ZNF250: variants seen among roughly 807,000 people sequenced by gnomAD.
The protein encoded by ZNF250 is zinc finger protein (clone 647).
ZNF250 carries 13 observed loss-of-function variants against 37.1 expected under a neutral mutation model. That is an observed-to-expected ratio of 0.35 (90% CI 0.23 to 0.56). The LOEUF is 0.56. Among genes scored for constraint, ZNF250 ranks in the 20% least tolerant of loss-of-function variants. The pLI is 0.87. For synonymous variants in ZNF250, 251 were observed against 265.6 expected (o/e 0.94, Z 0.54); for missense variants, 474 against 697.9 (o/e 0.68, Z 3.61).
rs1380356245 is a variant in ZNF250, at chr8:144,897,181, G to A, written c.-55+4218C>T. Among the ~76,000 whole-genome samples, 1 of 152,138 alleles carries A rather than the reference G, an allele frequency of 6.6e-6. No homozygotes were observed. Among genetic ancestry groups the A allele is most frequent in the Non-Finnish European group, 1.5e-5 (1 of 68,028 alleles). Reference sequence around the variant, plus strand: ...ACACACTGGGACAGGCACATTTGGAGTCTCCTGATCTGGGATGAGCTTCCA... The same window carrying A: ...ACACACTGGGACAGGCACATTTGGAATCTCCTGATCTGGGATGAGCTTCCA... On this transcript the variant is annotated intron_variant, in intron 1 of 5. Transcript: ENST00000417550. The surrounding 1 kb of genome is among the most constrained non-coding windows in gnomAD (Gnocchi z 5.2).
rs773571899 is a variant in ZNF250, at chr8:144,881,657, T to C, written c.1526A>G (p.Lys509Arg). 7.4e-6 allele frequency: 12 copies of C among 1,613,866 alleles called. No homozygotes were observed. Among genetic ancestry groups the C allele is most frequent in the Non-Finnish European group, 3.4e-6 (4 of 1,179,978 alleles). The change falls in exon 6 of 6, where the codon AAG (lysine) becomes AGG (arginine). Residue 509 changes from lysine (K) to arginine (R), a missense_variant. By Grantham distance (26) the Lys-to-Arg change is conservative. Coordinates refer to ENST00000417550, the MANE Select transcript of ZNF250 (RefSeq NM_001109689.4). The part of the protein sequence containing the change: ...EKPYECNSCG[K>R]AFSQYSVLIQ... ...GAGCACTGAGTACTGGCTGAAGGCCTTCCCGCAGCTATTGCACTCATATGG... is the reference window on the plus strand; with the variant it reads ...GAGCACTGAGTACTGGCTGAAGGCCCTCCCGCAGCTATTGCACTCATATGG...
At chr8:144,886,247 G>C (rs947545792) in intron 5 of ZNF250, among the ~76,000 whole-genome samples, 1 of 152,042 alleles carries the variant, frequency 6.6e-6, no homozygotes, top group Non-Finnish European at 1.5e-5. Context: ...GAGGCAGGAG[G>C]ATTGCTTGAG....
chr8:144,891,282 G>A lies in ZNF250; in HGVS notation c.-54-879C>T, dbSNP rs150947056. On this transcript the variant is annotated intron_variant, in intron 1 of 5. Coordinates refer to ENST00000417550, the MANE Select transcript of ZNF250 (RefSeq NM_001109689.4). The surrounding 1 kb of genome is among the most constrained non-coding windows in gnomAD (Gnocchi z 4.0). ...AGGTGGTAGATCACTCCAGAAAAAC[G>A]TGGTATAACAAAGCAACCAATCCCC... 4.7e-4 allele frequency among the ~76,000 whole-genome samples: 71 copies of A among 152,202 alleles called. No homozygotes were observed. The highest frequency in any genetic ancestry group is 7.2e-4 in the Admixed American group (11 of 15,288).
chr8:144,885,141 C>CA (rs1831776880), intron 5 of ZNF250, among the ~76,000 whole-genome samples: 1 of 152,090 alleles, frequency 6.6e-6, no homozygotes, highest in African/African-American at 2.4e-5. Context: ...TTTTTTGAGA[C>CA]AGAGTTTCGT....
At chr8:144,898,322 C>CAAACAAAACA (rs139656437) in intron 1 of ZNF250, among the ~76,000 whole-genome samples, 5 of 151,560 alleles carry the variant, frequency 3.3e-5, no homozygotes, top group African/African-American at 7.3e-5. Flanking sequence ...AATAAACAAA[C>CAAACAAAACA]AAACAAAACA....
In ZNF250 at chr8:144,880,698, T is replaced by C. The variant is rs778897406; in HGVS notation, c.*817A>G. The C allele has an allele frequency of 3.1e-6, 1 of 325,912 alleles. No individual in the cohort carries two copies. Among genetic ancestry groups the C allele is most frequent in the Non-Finnish European group, 6.2e-6 (1 of 161,502 alleles). The allele number at this position is 325,912 out of a possible 1,614,324, so 20.2% of individuals were successfully genotyped here. On this transcript the variant is annotated 3_prime_UTR_variant, in exon 6 of 6. Transcript: ENST00000417550. ...GGCCAACACGGTGAAACTCCGTCTC[T>C]ACTAAAAATACAAAAATTAGCCAGG...
chr8:144,890,183 G>A lies in ZNF250; in HGVS notation c.43-124C>T. The A allele has an allele frequency of 1.3e-6, 2 of 1,514,088 alleles. No individual in the cohort carries two copies. The highest frequency in any genetic ancestry group is 1.8e-6 in the Non-Finnish European group (2 of 1,111,064). The allele number at this position is 1,514,088 out of a possible 1,614,324, so 93.8% of individuals were successfully genotyped here. On this transcript the variant is annotated intron_variant, in intron 2 of 5. Coordinates refer to ENST00000417550, the MANE Select transcript of ZNF250 (RefSeq NM_001109689.4). The surrounding 1 kb of genome is among the most constrained non-coding windows in gnomAD (Gnocchi z 5.1). Reference sequence around the variant, plus strand: ...GGCTCTGTGAGCTGAGGTGGGTGATGGGAAGGGGCCGCGGAGTTCAGGGCA... The same window carrying A: ...GGCTCTGTGAGCTGAGGTGGGTGATAGGAAGGGGCCGCGGAGTTCAGGGCA...
chr8:144,901,874 C>G (rs530131225), upstream of ZNF250: 2 of 152,402 alleles, frequency 1.3e-5, no homozygotes, highest in Non-Finnish European at 2.9e-5. The surrounding 1 kb of genome is among the most constrained non-coding windows in gnomAD (Gnocchi z 5.4). Context: ...CTCGTTCCCC[C>G]CTCCGAGCCT....
intron 1 of ZNF250, among the ~76,000 whole-genome samples, chr8:144,893,416 C>T (rs929036135): frequency 6.6e-6 from 1 of 152,106 alleles, no homozygotes; most frequent in African/African-American, 2.4e-5. Context: ...CTGCAACCTC[C>T]GTCTCCCAGG....
rs1441145089 is a variant in ZNF250 at position 144,890,664 on chromosome 8, G to A, written c.-54-261C>T. Among the ~76,000 whole-genome samples the A allele has an allele frequency of 6.6e-6, 1 of 152,098 alleles. No individual in the cohort carries two copies. The highest frequency in any genetic ancestry group is 2.1e-4 in the South Asian group (1 of 4,830). On this transcript the variant is annotated intron_variant, in intron 1 of 5. Coordinates refer to ENST00000417550, the MANE Select transcript of ZNF250 (RefSeq NM_001109689.4). The surrounding 1 kb of genome is among the most constrained non-coding windows in gnomAD (Gnocchi z 5.1). Reference sequence around the variant, plus strand: ...GTACTGGGCTCTCTGAACACCAGGTGCAAGGCACTTGCTGCACCCTGGTCC... The same window carrying A: ...GTACTGGGCTCTCTGAACACCAGGTACAAGGCACTTGCTGCACCCTGGTCC...
At position 144,889,827 on chromosome 8, in the gene ZNF250, G is replaced by A. The variant is rs1586907899; in HGVS notation, c.169+106C>T. The A allele has an allele frequency of 8.2e-5, 121 of 1,475,960 alleles. 3 individuals carry two copies. The South Asian group carries it at 1.3e-3, about 16-fold the overall frequency. 91.4% of individuals were successfully genotyped at this position (1,475,960 alleles called of 1,614,324 possible). On this transcript the variant is annotated intron_variant, in intron 3 of 5. Coordinates refer to ENST00000417550, the MANE Select transcript of ZNF250 (RefSeq NM_001109689.4). ...GGAGCTGAGCACCCAGAGAGGTGAT[G>A]AGAGCAAACCTCCAGGACCAGCCTG...
Position 144,882,487 on chromosome 8 carries a change from G to A in ZNF250, c.696C>T (p.Ser232=). The A allele has an allele frequency of 6.2e-7, 1 of 1,614,136 alleles. No homozygotes were observed. The highest frequency in any genetic ancestry group is 8.5e-7 in the Non-Finnish European group (1 of 1,180,006). ...TGTGTTTACTAAGGACTGAGCTCTG[G>A]CTGAAGGCCTTCCCACATACACTGC... ...YVCSVCGKAF[S]QSSVLSKHRR... The change falls in exon 6 of 6, where the codon AGC becomes AGT. Residue 232 remains serine (S), a synonymous_variant. Transcript: ENST00000417550. The surrounding 1 kb of genome is among the most constrained non-coding windows in gnomAD (Gnocchi z 5.5).
Position 144,880,325 on chromosome 8 carries a change from GT to G in ZNF250, c.*1189del. The G allele has an allele frequency of 1.2e-5, 5 of 416,890 alleles. No individual in the cohort carries two copies. The highest frequency in any genetic ancestry group is 8.3e-5 in the South Asian group (5 of 60,186). The allele number at this position is 416,890 out of a possible 1,614,324, so 25.8% of individuals were successfully genotyped here. The stretch of plus-strand genomic sequence containing the variant: ...ACCAAAGAACAGTATTTTCAGCATT[GT>G]TTTGGGGGAAATACCATAAGATGTA... On this transcript the variant is annotated 3_prime_UTR_variant, in exon 6 of 6. Coordinates refer to ENST00000417550, the MANE Select transcript of ZNF250 (RefSeq NM_001109689.4).
chr8:144,889,411 C>T (rs1832147723), intron 4 of ZNF250, among the ~76,000 whole-genome samples, 170 bp downstream of exon 4: 1 of 152,234 alleles, frequency 6.6e-6, no homozygotes, highest in African/African-American at 2.4e-5. Flanking sequence ...TGGGCTGCCA[C>T]CTGATTCAGC....
chr8:144,888,108 T>C (rs1338072852), intron 4 of ZNF250, among the ~76,000 whole-genome samples: 9 of 152,226 alleles, frequency 5.9e-5, no homozygotes. Context: ...AGTCAGAGGT[T>C]CTTTGCCTTA....
Position 144,882,077 on chromosome 8 carries a change from T to C in ZNF250, c.1106A>G (p.Lys369Arg). The C allele has an allele frequency of 4.3e-6, 7 of 1,614,092 alleles. No homozygotes were observed. The highest frequency in any genetic ancestry group is 5.1e-6 in the Non-Finnish European group (6 of 1,179,990). The stretch of plus-strand genomic sequence containing the variant: ...GAGGACTGAGCGGTCGCTGAAGGCC[T>C]TCCCACACTCGCTGCACGTGTAGGG... ...EKPYTCSECG[K>R]AFSDRSVLIQ... Residue 369 changes from lysine to arginine, a missense_variant, in exon 6 of 6, where the codon AAG becomes AGG. Physicochemically the swap from Lys to Arg is conservative, Grantham distance 26. This residue lies in a region of ZNF250 where 282 missense variants were observed against 470.4 expected (regional missense o/e 0.60). Coordinates refer to ENST00000417550, the MANE Select transcript of ZNF250 (RefSeq NM_001109689.4). This position sits in a 1 kb window ranked among gnomAD's most constrained non-coding sequence, Gnocchi z 5.5.
rs1832186689 is a variant in ZNF250 at position 144,889,846 on chromosome 8, C to T, written c.169+87G>A. On this transcript the variant is annotated intron_variant, in intron 3 of 5. Coordinates refer to ENST00000417550, the MANE Select transcript of ZNF250 (RefSeq NM_001109689.4). ...GGTGATGAGAGCAAACCTCCAGGAC[C>T]AGCCTGTCCCAGGCCCCGTACCCTG... 5.3e-6 allele frequency: 8 copies of T among 1,503,758 alleles called. No individual in the cohort carries two copies. In the South Asian group the frequency reaches 9.1e-5, roughly 17 times the overall value. The allele number at this position is 1,503,758 out of a possible 1,614,324, so 93.2% of individuals were successfully genotyped here.
In ZNF250 at chr8:144,886,918, C is replaced by G; in HGVS notation, c.284-16G>C. On this transcript the variant is annotated splice_polypyrimidine_tract_variant and intron_variant, in intron 4 of 5. Transcript: ENST00000417550. ...TTGAGGTTGTCTGGAAAAAAAACAGCGAGTTGAAGTGACAACAAAATACTC... is the reference window on the plus strand; with the variant it reads ...TTGAGGTTGTCTGGAAAAAAAACAGGGAGTTGAAGTGACAACAAAATACTC... 6.2e-7 allele frequency: 1 copy of G among 1,611,884 alleles called. No individual in the cohort carries two copies. Among genetic ancestry groups the G allele is most frequent in the South Asian group, 1.1e-5 (1 of 91,022 alleles).
chr8:144,882,820 T>A lies in ZNF250; in HGVS notation c.363A>T (p.Gly121=). 6.2e-7 allele frequency: 1 copy of A among 1,607,022 alleles called. No individual in the cohort carries two copies. The highest frequency in any genetic ancestry group is 1.1e-5 in the South Asian group (1 of 90,530). The change falls in exon 6 of 6, where the codon GGA becomes GGT. Residue 121 remains glycine, a synonymous_variant. Coordinates refer to ENST00000417550, the MANE Select transcript of ZNF250 (RefSeq NM_001109689.4). The surrounding 1 kb of genome is among the most constrained non-coding windows in gnomAD (Gnocchi z 5.5). The part of the protein sequence containing the change: ...LSCPWECETK[G]ESQNTDLSPK... ...GACTCAAGTCTGTATTTTGACTCTC[T>A]CCCTTGGTTTCACATTCTGAAAGAA...
Sources: gnomAD v4.1 joint callset for allele counts (sites outside exome capture counted in the v4.1 genomes callset) on GRCh38, gnomAD v4.1.1 for gene constraint, gnomAD v4.1.1 regional missense constraint, Gnocchi (gnomAD v3.1) non-coding constraint, MANE v1.5 for transcripts, NCBI Gene and HGNC (gene_info 2026-07-23, HGNC 2026-07-21) for gene names.